AMMECR1L: variants seen among roughly 807,000 people sequenced by gnomAD.
The protein encoded by AMMECR1L is AMMECR1 like, also known as AMMECR1-like protein.
AMMECR1L carries 4 observed loss-of-function variants against 36.8 expected under a neutral mutation model. That is an observed-to-expected ratio of 0.11 (90% CI 0.05 to 0.25). AMMECR1L has a LOEUF of 0.25. Among genes scored for constraint, AMMECR1L ranks in the 10% least tolerant of loss-of-function variants. AMMECR1L has a pLI of 1.00. For synonymous variants in AMMECR1L, 147 were observed against 148.0 expected (o/e 0.99, Z 0.05); for missense variants, 232 against 392.1 (o/e 0.59, Z 3.45).
chr2:127,870,880 A>C lies in AMMECR1L; in HGVS notation c.567T>G (p.Pro189=), dbSNP rs1216142951. The change falls in exon 5 of 8, where the codon CCT becomes CCG. Residue 189 remains proline (P), a synonymous_variant. Transcript: ENST00000272647. ...GGAGGGAGACAGAGCAGAAAAGTTT[A>C]GGCAGCTCCTCTCGGGTCAGGGGGG... ...RFPPLTREEL[P]KLFCSVSLLT... is the part of the protein sequence containing the mutation. 6.2e-7 allele frequency: 1 copy of C among 1,613,844 alleles called. No homozygotes were observed. The highest frequency in any genetic ancestry group is 1.1e-5 in the South Asian group (1 of 91,018).
In AMMECR1L at chr2:127,865,848, T is replaced by C. The variant is rs905815878; in HGVS notation, c.822-643A>G. ...ATGAGTCAGGATGCGAAGCATGGGG[T>C]GTTACAAACCTATGGAGCCTACTAC... On this transcript the variant is annotated intron_variant, in intron 7 of 7. Coordinates refer to ENST00000272647, the MANE Select transcript of AMMECR1L (RefSeq NM_001199140.2). This position sits in a 1 kb window ranked among gnomAD's most constrained non-coding sequence, Gnocchi z 5.4. Among the ~76,000 whole-genome samples the C allele has an allele frequency of 6.6e-6, 1 of 152,164 alleles. No homozygotes were observed. Among genetic ancestry groups the C allele is most frequent in the Non-Finnish European group, 1.5e-5 (1 of 68,028 alleles).
rs1691136953 is a variant in AMMECR1L, at chr2:127,874,509, C to T, written c.-38-237G>A. Among the ~76,000 whole-genome samples the T allele has an allele frequency of 6.6e-6, 1 of 152,146 alleles. No homozygotes were observed. Among genetic ancestry groups the T allele is most frequent in the African/African-American group, 2.4e-5 (1 of 41,420 alleles). On this transcript the variant is annotated intron_variant, in intron 2 of 7. Transcript: ENST00000272647. This position sits in a 1 kb window ranked among gnomAD's most constrained non-coding sequence, Gnocchi z 5.2. Reference sequence around the variant, plus strand: ...GGATGGAGGCAGGCACCAAGCAGCTCCCTGTTCCCCAAGAGTCCCCAGGGC... The same window carrying T: ...GGATGGAGGCAGGCACCAAGCAGCTTCCTGTTCCCCAAGAGTCCCCAGGGC...
In AMMECR1L at chr2:127,863,883, T is replaced by C. The variant is rs1022163355; in HGVS notation, c.*1211A>G. On this transcript the variant is annotated 3_prime_UTR_variant, in exon 8 of 8. Coordinates refer to ENST00000272647, the MANE Select transcript of AMMECR1L (RefSeq NM_001199140.2). ...TCAGCAACAATGGGAAAGGGAAATA[T>C]GTCACATGAAAGTTTGAAAGACCTA... 6.6e-6 allele frequency: 1 copy of C among 152,482 alleles called. No homozygotes were observed. The highest frequency in any genetic ancestry group is 1.5e-5 in the Non-Finnish European group (1 of 68,054). 9.4% of individuals were successfully genotyped at this position (152,482 alleles called of 1,614,324 possible).
chr2:127,867,729 G>T (rs1690754702), intron 6 of AMMECR1L, among the ~76,000 whole-genome samples: 1 of 152,072 alleles, frequency 6.6e-6, no homozygotes. Flanking sequence ...CTGGGTGACA[G>T]GAGGAGACCC....
chr2:127,866,214 G>T (rs1690677444), intron 7 of AMMECR1L, among the ~76,000 whole-genome samples: 1 of 152,194 alleles, frequency 6.6e-6, no homozygotes, highest in African/African-American at 2.4e-5. Context: ...CAATAGGGAT[G>T]AGAAGAGAAC....
chr2:127,882,553 G>A (rs1031748279), intron 2 of AMMECR1L, among the ~76,000 whole-genome samples: 14 of 152,118 alleles, frequency 9.2e-5, no homozygotes, highest in African/African-American at 3.4e-4. Context: ...CATTTGGTGT[G>A]TGAAAATTTT....
At position 127,871,801 on chromosome 2, in the gene AMMECR1L, T is replaced by C. The variant is rs556187846; in HGVS notation, c.408-442A>G. Among the ~76,000 whole-genome samples the C allele has an allele frequency of 7.9e-5, 12 of 152,270 alleles. No individual in the cohort carries two copies. In the East Asian group the frequency reaches 2.3e-3, roughly 29 times the overall value. ...CATCTGCAAACCCATGTTGCTTCCA[T>C]GATCATGTCTGCCCCTGACAACTAC... On this transcript the variant is annotated intron_variant, in intron 3 of 7. Coordinates refer to ENST00000272647, the MANE Select transcript of AMMECR1L (RefSeq NM_001199140.2). The surrounding 1 kb of genome is among the most constrained non-coding windows in gnomAD (Gnocchi z 4.3).
Position 127,871,416 on chromosome 2 carries a change from C to A in AMMECR1L, c.408-57G>T. The A allele has an allele frequency of 6.5e-7, 1 of 1,548,584 alleles. No individual in the cohort carries two copies. Among genetic ancestry groups the A allele is most frequent in the Non-Finnish European group, 8.8e-7 (1 of 1,138,772 alleles). ...GCCCCAAATTAATCATGGATAAGAA[C>A]AAAACCTTTTGGCTTTGTCCCTATT... On this transcript the variant is annotated intron_variant, in intron 3 of 7. Coordinates refer to ENST00000272647, the MANE Select transcript of AMMECR1L (RefSeq NM_001199140.2). The surrounding 1 kb of genome is among the most constrained non-coding windows in gnomAD (Gnocchi z 4.3).
At chr2:127,867,364 TA>T in intron 6 of AMMECR1L, 2 of 921,522 alleles carry the variant, frequency 2.2e-6, no homozygotes, top group Non-Finnish European at 2.6e-6. Context: ...GAGAGGAATT[TA>T]AATTCTGCAA....
intron 5 of AMMECR1L, among the ~76,000 whole-genome samples, chr2:127,870,120 T>C (rs911624404): frequency 6.6e-6 from 1 of 152,038 alleles, no homozygotes; most frequent in African/African-American, 2.4e-5. Flanking sequence ...ATTGAGACCA[T>C]CCTGGCTAAC....
Position 127,864,966 on chromosome 2 carries a change from A to C in AMMECR1L, c.*128T>G. The C allele has an allele frequency of 3.0e-6, 2 of 668,378 alleles. No homozygotes were observed. The highest frequency in any genetic ancestry group is 2.8e-5 in the East Asian group (1 of 35,244). The allele number at this position is 668,378 out of a possible 1,614,324, so 41.4% of individuals were successfully genotyped here. On this transcript the variant is annotated 3_prime_UTR_variant, in exon 8 of 8. Coordinates refer to ENST00000272647, the MANE Select transcript of AMMECR1L (RefSeq NM_001199140.2). ...CAGTCAGCGGGAGGCAGACTTGGCA[A>C]CGGAAGCTAGCATCATAAAATGGTG...
At position 127,874,064 on chromosome 2, in the gene AMMECR1L, G is replaced by A. The variant is rs1558995743; in HGVS notation, c.171C>T (p.Ser57=). The change falls in exon 3 of 8, where the codon AGC becomes AGT. Residue 57 remains serine (S), a synonymous_variant. Coordinates refer to ENST00000272647, the MANE Select transcript of AMMECR1L (RefSeq NM_001199140.2). This position sits in a 1 kb window ranked among gnomAD's most constrained non-coding sequence, Gnocchi z 5.2. ...GPLQNHQHVD[S]SSGRENVSDL... Reference sequence around the variant, plus strand: ...CTGACACATTCTCCCGTCCACTGCTGCTGTCCACATGCTGGTGGTTTTGAA... The same window carrying A: ...CTGACACATTCTCCCGTCCACTGCTACTGTCCACATGCTGGTGGTTTTGAA... 6.2e-7 allele frequency: 1 copy of A among 1,614,238 alleles called. No homozygotes were observed. The highest frequency in any genetic ancestry group is 2.2e-5 in the East Asian group (1 of 44,886).
chr2:127,880,146 C>T (rs1171444038), intron 2 of AMMECR1L, among the ~76,000 whole-genome samples: 3 of 152,074 alleles, frequency 2.0e-5, no homozygotes, highest in East Asian at 3.9e-4. Context: ...TCCACAAAAA[C>T]GGAAGGAAAA....
At chr2:127,868,301 CTTAAG>C (rs775857421) in intron 6 of AMMECR1L, among the ~76,000 whole-genome samples, 12 of 152,272 alleles carry the variant, frequency 7.9e-5, no homozygotes, top group Non-Finnish European at 1.2e-4. Context: ...TAATTATTTA[CTTAAG>C]TTATTATTTA....
In AMMECR1L at chr2:127,862,084, A is replaced by G. The variant is rs1453737006; in HGVS notation, c.*3010T>C. 6.5e-6 allele frequency: 1 copy of G among 152,908 alleles called. No homozygotes were observed. The highest frequency in any genetic ancestry group is 1.5e-5 in the Non-Finnish European group (1 of 68,044). The allele number at this position is 152,908 out of a possible 1,614,324, so 9.5% of individuals were successfully genotyped here. On this transcript the variant is annotated 3_prime_UTR_variant, in exon 8 of 8. Coordinates refer to ENST00000272647, the MANE Select transcript of AMMECR1L (RefSeq NM_001199140.2). ...TCACAGTGGAAATAATCCAACACCG[A>G]CAGACTCTAGTGATCAAAGACATTC...
chr2:127,867,277 T>C (rs1690731692), intron 6 of AMMECR1L: 3 of 985,336 alleles, frequency 3.0e-6, no homozygotes, highest in Non-Finnish European at 2.4e-6. Context: ...CCAGTATAAT[T>C]ATCTAGGAAC....
intron 2 of AMMECR1L, among the ~76,000 whole-genome samples, chr2:127,877,200 C>G (rs2104770250): frequency 6.6e-6 from 1 of 152,080 alleles, no homozygotes; most frequent in Non-Finnish European, 1.5e-5. Context: ...TCTGGGCTTA[C>G]AGCAGAGCTT....
At chr2:127,868,109 C>G (rs1439545553) in intron 6 of AMMECR1L, among the ~76,000 whole-genome samples, 1 of 152,104 alleles carries the variant, frequency 6.6e-6, no homozygotes, top group African/African-American at 2.4e-5. Flanking sequence ...CTCCAGTATC[C>G]ACCTACCTTG....
At position 127,873,175 on chromosome 2, in the gene AMMECR1L, C is replaced by A. The variant is rs553417230; in HGVS notation, c.407+653G>T. 2 of 985,448 alleles carry A rather than the reference C, an allele frequency of 2.0e-6. No individual in the cohort carries two copies. Among genetic ancestry groups the A allele is most frequent in the South Asian group, 4.7e-5 (1 of 21,284 alleles). 61.0% of individuals were successfully genotyped at this position (985,448 alleles called of 1,614,324 possible). A position where few individuals can be genotyped will look rare whatever the true frequency, so the allele number is the denominator to read the frequency against. ...AATGCTCTTCAAAGCCAGCTCAGAG[C>A]GGCTTCCAATTCTGAGGAAGAAGAA... On this transcript the variant is annotated intron_variant, in intron 3 of 7. Transcript: ENST00000272647. This position sits in a 1 kb window ranked among gnomAD's most constrained non-coding sequence, Gnocchi z 5.2.
Sources: allele counts gnomAD v4.1 joint callset (sites outside exome capture counted in the v4.1 genomes callset), GRCh38; gene constraint gnomAD v4.1.1; non-coding constraint Gnocchi (gnomAD v3.1); transcripts MANE v1.5; gene names NCBI Gene and HGNC (gene_info 2026-07-23, HGNC 2026-07-21).